The following NUCKS1 variants were observed in gnomAD, a reference collection of about 807,000 sequenced individuals.
The protein encoded by NUCKS1 is nuclear casein kinase and cyclin dependent kinase substrate 1.
NUCKS1 carries 2 observed loss-of-function variants against 33.0 expected under a neutral mutation model. That is an observed-to-expected ratio of 0.06 (90% CI 0.02 to 0.19). The LOEUF is 0.19. NUCKS1 is among the 10% of genes least tolerant of loss of function. The probability of loss-of-function intolerance (pLI) is 1.00; values close to 1 mark genes in which losing one functional copy is unlikely to be tolerated. For synonymous variants in NUCKS1, 106 were observed against 102.8 expected (o/e 1.03, Z -0.19); for missense variants, 201 against 293.6 (o/e 0.68, Z 2.31).
rs1671783928 is a variant in NUCKS1, at chr1:205,713,947, T to G, written c.*4333A>C. The stretch of plus-strand genomic sequence containing the variant: ...AAGATAAATCAAGGCAAACAATTAC[T>G]GAGAACTTGGCTGTTGCTTAACCTG... On this transcript the variant is annotated 3_prime_UTR_variant, in exon 7 of 7. Coordinates refer to ENST00000367142, the MANE Select transcript of NUCKS1 (RefSeq NM_022731.5). The G allele has an allele frequency of 6.6e-6, 1 of 152,248 alleles. No individual in the cohort carries two copies. The highest frequency in any genetic ancestry group is 1.5e-5 in the Non-Finnish European group (1 of 68,032). 9.4% of individuals were successfully genotyped at this position (152,248 alleles called of 1,614,324 possible).
intron 1 of NUCKS1, among the ~76,000 whole-genome samples, chr1:205,749,616 G>A (rs1469789276): frequency 6.6e-6 from 1 of 152,122 alleles, no homozygotes; most frequent in Non-Finnish European, 1.5e-5. Flanking sequence ...CCCCGAGGAG[G>A]TGGGGCCTCT....
chr1:205,748,143 TAATA>T (rs563359012), intron 1 of NUCKS1, among the ~76,000 whole-genome samples: 232 of 152,276 alleles, frequency 1.5e-3, no homozygotes, highest in Admixed American at 1.6e-3. Flanking sequence ...AGAATGTGCT[TAATA>T]TATATATCCC....
intron 1 of NUCKS1, among the ~76,000 whole-genome samples, chr1:205,734,838 T>C (rs1328977041): frequency 6.6e-6 from 1 of 151,974 alleles, no homozygotes; most frequent in Non-Finnish European, 1.5e-5. Context: ...GAGGTTACAG[T>C]GGGCCAAGAT....
chr1:205,738,222 T>TC (rs1357967997), intron 1 of NUCKS1, among the ~76,000 whole-genome samples: 1 of 152,056 alleles, frequency 6.6e-6, no homozygotes, highest in Admixed American at 6.6e-5. Flanking sequence ...GAGACAGGGT[T>TC]CCATCATGTT....
intron 4 of NUCKS1, 149 bp from the exon 5 acceptor site, chr1:205,720,802 A>T: frequency 1.3e-6 from 1 of 783,454 alleles, no homozygotes; most frequent in Non-Finnish European, 1.9e-6. Context: ...GCTTTATTTC[A>T]TTGTAAAAGG....
chr1:205,735,645 T>C (rs1654015433), intron 1 of NUCKS1, among the ~76,000 whole-genome samples: 1 of 152,200 alleles, frequency 6.6e-6, no homozygotes, highest in South Asian at 2.1e-4. Context: ...TTCAGTCTCA[T>C]CATCTGTAAA....
chr1:205,746,098 C>T (rs978249983), intron 1 of NUCKS1, among the ~76,000 whole-genome samples: 3 of 152,054 alleles, frequency 2.0e-5, no homozygotes, highest in African/African-American at 7.2e-5. Flanking sequence ...GAGTTCGAGA[C>T]CAGCCTGGCC....
In NUCKS1 at chr1:205,749,981, G is replaced by A; in HGVS notation, c.-8C>T. 3 of 1,601,552 alleles carry A rather than the reference G, an allele frequency of 1.9e-6. No individual in the cohort carries two copies. Among genetic ancestry groups the A allele is most frequent in the Non-Finnish European group, 1.7e-6 (2 of 1,173,206 alleles). On this transcript the variant is annotated 5_prime_UTR_variant, in exon 1 of 7. Transcript: ENST00000367142. ...CCTGACAGGCCGCGACATGTTCGCT[G>A]TCGAAACAGGACCGAGTCGAGAAGC...
chr1:205,732,167 T>C (rs1653930760), intron 1 of NUCKS1, among the ~76,000 whole-genome samples: 3 of 152,186 alleles, frequency 2.0e-5, no homozygotes, highest in African/African-American at 4.8e-5. Flanking sequence ...CTTAAGGAGT[T>C]CCACCTTCTG....
chr1:205,730,939 C>T (rs1653895484), intron 1 of NUCKS1, among the ~76,000 whole-genome samples: 1 of 152,146 alleles, frequency 6.6e-6, no homozygotes, highest in African/African-American at 2.4e-5. Context: ...TTTACTCTTA[C>T]TGCTACACAC....
intron 1 of NUCKS1, among the ~76,000 whole-genome samples, chr1:205,745,391 A>G (rs1228695175): frequency 6.6e-6 from 1 of 152,150 alleles, no homozygotes; most frequent in Non-Finnish European, 1.5e-5. Context: ...TGAAAGGCTG[A>G]GGTGGGAGGA....
chr1:205,737,649 T>C (rs1654063861), intron 1 of NUCKS1, among the ~76,000 whole-genome samples: 1 of 152,262 alleles, frequency 6.6e-6, no homozygotes, highest in Non-Finnish European at 1.5e-5. Flanking sequence ...CAGAATTCTT[T>C]TGCTCTAATA....
chr1:205,739,339 G>A (rs1435281941), intron 1 of NUCKS1, among the ~76,000 whole-genome samples: 2 of 152,152 alleles, frequency 1.3e-5, no homozygotes, highest in Non-Finnish European at 2.9e-5. Flanking sequence ...AAGTACTGCT[G>A]CTTTCCCTTT....
At chr1:205,746,441 T>TCACACACA (rs1403649920) in intron 1 of NUCKS1, among the ~76,000 whole-genome samples, 2 of 40,706 alleles carry the variant, frequency 4.9e-5, no homozygotes, top group Admixed American at 3.2e-4. Context: ...CTCACTTCTC[T>TCACACACA]CTCTCTCTCT....
chr1:205,727,857 C>T, intron 2 of NUCKS1, 52 bp from the exon 3 acceptor site: 1 of 1,187,702 alleles, frequency 8.4e-7, no homozygotes, highest in Non-Finnish European at 1.2e-6. Context: ...ATGTTAAAAT[C>T]ACCACTATAT....
chr1:205,719,399 T>A, intron 6 of NUCKS1, 128 bp downstream of exon 6: 2 of 917,914 alleles, frequency 2.2e-6, no homozygotes, highest in Non-Finnish European at 3.3e-6. Flanking sequence ...CAAGACCCTT[T>A]TAGATTTCTT....
intron 5 of NUCKS1, 29 bp from the exon 6 acceptor site, chr1:205,719,705 AACTT>A: frequency 1.2e-6 from 2 of 1,602,582 alleles, no homozygotes; most frequent in South Asian, 1.1e-5. Flanking sequence ...TTCAACATCT[AACTT>A]AATGTACACA....
At position 205,720,547 on chromosome 1, in the gene NUCKS1, G is replaced by C; in HGVS notation, c.336C>G (p.Gly112=). The C allele has an allele frequency of 6.2e-7, 1 of 1,614,002 alleles. No homozygotes were observed. The highest frequency in any genetic ancestry group is 1.3e-5 in the African/African-American group (1 of 74,986). ...KQREMLMEDV[G]SEEEQEEEDE... Reference sequence around the variant, plus strand: ...CCTCCTCTTCTTGTTCTTCCTCACTGCCCACATCTTCCATGAGCATCTCTC... The same window carrying C: ...CCTCCTCTTCTTGTTCTTCCTCACTCCCCACATCTTCCATGAGCATCTCTC... Residue 112 remains glycine, a synonymous_variant, in exon 5 of 7, where the codon GGC becomes GGG. Coordinates refer to ENST00000367142, the MANE Select transcript of NUCKS1 (RefSeq NM_022731.5).
At chr1:205,743,052 A>C (rs1193615154) in intron 1 of NUCKS1, among the ~76,000 whole-genome samples, 1 of 152,176 alleles carries the variant, frequency 6.6e-6, no homozygotes, top group Non-Finnish European at 1.5e-5. Context: ...AAAGTTTGCA[A>C]AGTAACCCAT....
Sources: allele counts gnomAD v4.1 joint callset (sites outside exome capture counted in the v4.1 genomes callset), GRCh38; gene constraint gnomAD v4.1.1; transcripts MANE v1.5; gene names NCBI Gene and HGNC (gene_info 2026-07-23, HGNC 2026-07-21).